ACAP2: variants seen among roughly 807,000 people sequenced by gnomAD.
ACAP2 encodes arf-GAP with coiled-coil, ANK repeat and PH domain-containing protein 2.
A neutral mutation model predicts 115.8 loss-of-function variants in ACAP2; 39 were observed. The observed-to-expected ratio is 0.34, with a 90% CI of 0.26 to 0.44. The LOEUF (loss-of-function observed/expected upper bound fraction) is 0.44. Ranked by LOEUF, ACAP2 falls within the 20% of genes least tolerant of loss-of-function variation. The probability of loss-of-function intolerance (pLI) is 1.00; values close to 1 mark genes in which losing one functional copy is unlikely to be tolerated. For missense variants in ACAP2, 662 were observed against 927.6 expected, an observed-to-expected ratio of 0.71 and a Z score of 3.72; for synonymous variants, 289 against 315.8, an observed-to-expected ratio of 0.92 and a Z score of 0.90.
At chr3:195,424,341 CTGGAGTGCAGTGGCG>C in intron 1 of ACAP2, among the ~76,000 whole-genome samples, 1 of 127,198 alleles carries the variant, frequency 7.9e-6, no homozygotes, top group Non-Finnish European at 1.6e-5. Context: ...GTCACCCAGG[CTGGAGTGCAGTGGCG>C]TGATCTCAGC....
chr3:195,367,536 T>C (rs1732810353), intron 4 of ACAP2, among the ~76,000 whole-genome samples: 1 of 152,198 alleles, frequency 6.6e-6, no homozygotes, highest in Non-Finnish European at 1.5e-5. Context: ...CTCCCATCCC[T>C]GCAGGTGCGT....
chr3:195,325,077 A>G (rs112549706), intron 9 of ACAP2, among the ~76,000 whole-genome samples: 6 of 152,334 alleles, frequency 3.9e-5, no homozygotes, highest in African/African-American at 1.4e-4. Flanking sequence ...GAAGATGTCT[A>G]TATCTACTGA....
intron 4 of ACAP2, among the ~76,000 whole-genome samples, chr3:195,365,363 C>T (rs2108709214): frequency 6.6e-6 from 1 of 152,164 alleles, no homozygotes; most frequent in East Asian, 1.9e-4. Flanking sequence ...CAAAATATCC[C>T]ATATCACATA....
intron 4 of ACAP2, among the ~76,000 whole-genome samples, chr3:195,362,475 T>G (rs532486594): frequency 2.0e-5 from 3 of 152,250 alleles, no homozygotes; most frequent in African/African-American, 7.2e-5. Flanking sequence ...ACTCATTCTA[T>G]GAGGCCAGTT....
intron 4 of ACAP2, chr3:195,357,694 G>C (rs1732071163): frequency 6.6e-6 from 1 of 152,210 alleles, no homozygotes; most frequent in Admixed American, 6.5e-5. Context: ...TCTCTACCTG[G>C]TAATCCAGAG....
intron 17 of ACAP2, 30 bp downstream of exon 17, chr3:195,295,678 C>A (rs770320922): frequency 6.2e-7 from 1 of 1,612,490 alleles, no homozygotes; most frequent in South Asian, 1.1e-5. Flanking sequence ...AAGAAAATAG[C>A]TATAGACACA....
intron 1 of ACAP2, among the ~76,000 whole-genome samples, chr3:195,431,389 C>A (rs975220766): frequency 6.6e-6 from 1 of 151,948 alleles, no homozygotes; most frequent in African/African-American, 2.4e-5. Context: ...GGGTATACAC[C>A]TAGAAGTGGA....
intron 8 of ACAP2, among the ~76,000 whole-genome samples, chr3:195,330,270 C>T (rs1450694457): frequency 2.6e-5 from 4 of 152,160 alleles, no homozygotes; most frequent in Non-Finnish European, 4.4e-5. Flanking sequence ...ACTTTAGTTT[C>T]AGATGCCATT....
intron 4 of ACAP2, among the ~76,000 whole-genome samples, chr3:195,366,615 T>C (rs2108713568): frequency 6.6e-6 from 1 of 152,294 alleles, no homozygotes; most frequent in Non-Finnish European, 1.5e-5. Flanking sequence ...CAGGAAACAA[T>C]CCACTGTTTC....
chr3:195,284,465 G>A (rs1355031059), intron 22 of ACAP2, among the ~76,000 whole-genome samples: 1 of 152,082 alleles, frequency 6.6e-6, no homozygotes, highest in African/African-American at 2.4e-5. Flanking sequence ...ATCATGAGCC[G>A]CCTACTATTG....
chr3:195,373,926 A>C (rs111958995), intron 4 of ACAP2, among the ~76,000 whole-genome samples: 2 of 152,298 alleles, frequency 1.3e-5, no homozygotes, highest in African/African-American at 4.8e-5. Context: ...GTCTCAAAAA[A>C]ACATATACTG....
intron 1 of ACAP2, among the ~76,000 whole-genome samples, chr3:195,398,242 C>T (rs1021645761): frequency 6.6e-6 from 1 of 152,174 alleles, no homozygotes; most frequent in East Asian, 1.9e-4. Context: ...GGAGAACCAA[C>T]ATAGAATCAG....
intron 9 of ACAP2, among the ~76,000 whole-genome samples, chr3:195,325,016 A>G (rs1729683531): frequency 6.6e-6 from 1 of 152,204 alleles, no homozygotes. Flanking sequence ...ACCAATAGAT[A>G]TAAGATAAGG....
intron 9 of ACAP2, among the ~76,000 whole-genome samples, chr3:195,322,866 T>C (rs1184437198): frequency 1.5e-4 from 23 of 152,248 alleles, no homozygotes; most frequent in Admixed American, 1.5e-3. Context: ...ATTTAATTAC[T>C]ATTAATATCA....
chr3:195,397,564 C>A (rs765035082), intron 1 of ACAP2, among the ~76,000 whole-genome samples: 1 of 151,526 alleles, frequency 6.6e-6, no homozygotes, highest in Non-Finnish European at 1.5e-5. Flanking sequence ...TATGCTGGGT[C>A]TCTACAATAT....
At chr3:195,363,742 C>T (rs1732527060) in intron 4 of ACAP2, among the ~76,000 whole-genome samples, 1 of 152,016 alleles carries the variant, frequency 6.6e-6, no homozygotes, top group African/African-American at 2.4e-5. Flanking sequence ...GTAACCAAAG[C>T]AGCATGGCAC....
At chr3:195,314,201 T>TTTGTTTTG (rs1024125779) in intron 10 of ACAP2, among the ~76,000 whole-genome samples, 1 of 149,712 alleles carries the variant, frequency 6.7e-6, no homozygotes, top group Non-Finnish European at 1.5e-5. Context: ...ATTTTGTTGT[T>TTTGTTTTG]TTTTTTTTTT....
At chr3:195,326,074 T>C (rs367837617) in intron 9 of ACAP2, among the ~76,000 whole-genome samples, 25 of 152,224 alleles carry the variant, frequency 1.6e-4, no homozygotes, top group African/African-American at 5.8e-4. Context: ...ACATCTTCTA[T>C]ATCAGATCTA....
chr3:195,433,377 T>C (rs1272374423), intron 1 of ACAP2, among the ~76,000 whole-genome samples: 5 of 152,214 alleles, frequency 3.3e-5, no homozygotes, highest in Non-Finnish European at 1.5e-5. Flanking sequence ...CAAAGGCTGA[T>C]TGTACAAGAC....
Sources: allele counts gnomAD v4.1 joint callset (sites outside exome capture counted in the v4.1 genomes callset), GRCh38; gene constraint gnomAD v4.1.1; transcripts MANE v1.5; gene names NCBI Gene and HGNC (gene_info 2026-07-23, HGNC 2026-07-21).